The following SIDT1 variants were observed in gnomAD, a reference collection of about 807,000 sequenced individuals.
SIDT1 encodes the protein SID1 transmembrane family member 1, also known as SID1 transmembrane family, member 1.
Under a neutral mutation model 107.5 loss-of-function variants are expected in SIDT1, and 101 were observed. That is an observed-to-expected ratio of 0.94 (90% CI 0.80 to 1.11). SIDT1 has a LOEUF of 1.11. Among genes scored for constraint, SIDT1 ranks in the 50% least tolerant of loss-of-function variants. The pLI is 0.00. For synonymous variants in SIDT1, 395 were observed against 398.2 expected, an observed-to-expected ratio of 0.99 and a Z score of 0.10; for missense variants, 1,076 against 1,058.2, an observed-to-expected ratio of 1.02 and a Z score of -0.23.
chr3:113,589,231 G>C (rs1386546490), intron 9 of SIDT1, among the ~76,000 whole-genome samples: 1 of 152,130 alleles, frequency 6.6e-6, no homozygotes, highest in African/African-American at 2.4e-5. Context: ...CAGCCATTTT[G>C]CAATCAATCT....
intron 18 of SIDT1, among the ~76,000 whole-genome samples, chr3:113,611,613 G>A (rs1215530947): frequency 6.6e-6 from 1 of 152,170 alleles, no homozygotes; most frequent in East Asian, 1.9e-4. Flanking sequence ...GAGCCACCGT[G>A]CCCGGCCTAG....
At chr3:113,574,674 A>C (rs1942760622) in intron 3 of SIDT1, among the ~76,000 whole-genome samples, 3 of 145,940 alleles carry the variant, frequency 2.1e-5, no homozygotes, top group African/African-American at 5.1e-5. Flanking sequence ...TCTTCTCCTG[A>C]CTCCCCTATC....
intron 1 of SIDT1, among the ~76,000 whole-genome samples, chr3:113,564,192 G>A (rs62265516): frequency 9.2e-5 from 14 of 152,164 alleles, no homozygotes; most frequent in Middle Eastern, 3.2e-3. Flanking sequence ...CACCCACCTC[G>A]GCCTCCGAAA....
At chr3:113,571,769 A>T (rs890748473) in intron 3 of SIDT1, among the ~76,000 whole-genome samples, 1 of 152,332 alleles carries the variant, frequency 6.6e-6, no homozygotes, top group Non-Finnish European at 1.5e-5. Context: ...CTCCGTCTCT[A>T]CTAAAAAATT....
At chr3:113,544,207 G>A (rs9834643) in intron 1 of SIDT1, among the ~76,000 whole-genome samples, 8 of 106,768 alleles carry the variant, frequency 7.5e-5, no homozygotes, top group Admixed American at 6.6e-4. Context: ...TTGTTTGTTT[G>A]TTTAAATGGA....
At chr3:113,593,787 A>G (rs1191322991) in intron 10 of SIDT1, among the ~76,000 whole-genome samples, 1 of 152,198 alleles carries the variant, frequency 6.6e-6, no homozygotes, top group Non-Finnish European at 1.5e-5. Context: ...TTAAGTGTCT[A>G]GAAAACTGAA....
intron 11 of SIDT1, 108 bp from the exon 12 acceptor site, chr3:113,602,897 C>T (rs1945057653): frequency 1.7e-6 from 2 of 1,166,250 alleles, no homozygotes; most frequent in Non-Finnish European, 2.4e-6. Context: ...TCATTTGGAT[C>T]AACACAGCAT....
intron 17 of SIDT1, among the ~76,000 whole-genome samples, chr3:113,610,674 A>G (rs1945669456): frequency 6.6e-6 from 1 of 152,182 alleles, no homozygotes; most frequent in Non-Finnish European, 1.5e-5. Flanking sequence ...TAATTGTTGA[A>G]CACCAGCATC....
intron 10 of SIDT1, among the ~76,000 whole-genome samples, chr3:113,595,468 A>G (rs987495853): frequency 2.0e-5 from 3 of 152,052 alleles, no homozygotes; most frequent in African/African-American, 4.8e-5. Flanking sequence ...TGCTCCAGCT[A>G]CTTCGGAGGC....
intron 9 of SIDT1, among the ~76,000 whole-genome samples, chr3:113,592,047 C>T (rs1205704516): frequency 2.0e-5 from 3 of 152,098 alleles, no homozygotes; most frequent in South Asian, 2.1e-4. Flanking sequence ...CACAAAAGTT[C>T]GCATGTAATA....
At chr3:113,635,327 C>G in the SIDT1 span, among the ~76,000 whole-genome samples, 1 of 152,222 alleles carries the variant, frequency 6.6e-6, no homozygotes, top group African/African-American at 2.4e-5. Context: ...AAGATCCTGT[C>G]TCTACAAAAA....
intron 1 of SIDT1, among the ~76,000 whole-genome samples, chr3:113,546,256 C>G (rs1391240062): frequency 6.6e-6 from 1 of 152,154 alleles, no homozygotes; most frequent in Non-Finnish European, 1.5e-5. Flanking sequence ...ATGTGTCAGA[C>G]TGTAATTTTT....
intron 10 of SIDT1, among the ~76,000 whole-genome samples, chr3:113,598,160 A>G (rs1449140165): frequency 6.6e-6 from 1 of 152,192 alleles, no homozygotes; most frequent in Non-Finnish European, 1.5e-5. Context: ...AGCTGCCTCA[A>G]AATGAACAGG....
chr3:113,593,384 G>T (rs915978659), intron 10 of SIDT1, among the ~76,000 whole-genome samples: 1 of 152,152 alleles, frequency 6.6e-6, no homozygotes. Context: ...TCATAGGACC[G>T]CAAACCCTAT....
chr3:113,569,100 A>G (rs1942203496), intron 3 of SIDT1, among the ~76,000 whole-genome samples: 3 of 141,540 alleles, frequency 2.1e-5, no homozygotes, highest in East Asian at 5.0e-4. Flanking sequence ...GATCATGCCA[A>G]TGCACTCCAG....
rs1204969925 is a variant in SIDT1 at position 113,628,341 on chromosome 3, A to T, written c.*633A>T. On this transcript the variant is annotated 3_prime_UTR_variant, in exon 25 of 25. Coordinates refer to ENST00000264852, the MANE Select transcript of SIDT1 (RefSeq NM_017699.3). ...GGCTCAGGAGTGGGGTTTGTCACAC[A>T]TTCCTCTTAACAAGTAACTGTCACT... 1 of 153,032 alleles carries T rather than the reference A, an allele frequency of 6.5e-6. No individual in the cohort carries two copies. The highest frequency in any genetic ancestry group is 6.5e-5 in the Admixed American group (1 of 15,308). 9.5% of individuals were successfully genotyped at this position (153,032 alleles called of 1,614,324 possible).
chr3:113,596,201 T>C (rs1018905009), intron 10 of SIDT1, among the ~76,000 whole-genome samples: 2 of 152,192 alleles, frequency 1.3e-5, no homozygotes, highest in African/African-American at 2.4e-5. Flanking sequence ...ATTGTGGAGC[T>C]AGATATCTGT....
At chr3:113,597,278 C>T (rs976433268) in intron 10 of SIDT1, among the ~76,000 whole-genome samples, 3 of 152,034 alleles carry the variant, frequency 2.0e-5, no homozygotes, top group Admixed American at 6.5e-5. Context: ...GGGTGGATTG[C>T]CTACAGTCAG....
Position 113,627,838 on chromosome 3 carries a change from C to T in SIDT1, c.*130C>T, listed in dbSNP as rs1946955183. On this transcript the variant is annotated 3_prime_UTR_variant, in exon 25 of 25. Coordinates refer to ENST00000264852, the MANE Select transcript of SIDT1 (RefSeq NM_017699.3). ...CTCTGTAGAGCCAACTCTGCATTCA[C>T]ACAGGAAGGAGAGGGGCTGCGGGAG... 7.6e-6 allele frequency: 6 copies of T among 794,616 alleles called. No individual in the cohort carries two copies. The Admixed American group carries it at 9.4e-5, about 12-fold the overall frequency. The allele number at this position is 794,616 out of a possible 1,614,324, so 49.2% of individuals were successfully genotyped here.
Sources: allele counts gnomAD v4.1 joint callset (sites outside exome capture counted in the v4.1 genomes callset), GRCh38; gene constraint gnomAD v4.1.1; transcripts MANE v1.5; gene names NCBI Gene and HGNC (gene_info 2026-07-23, HGNC 2026-07-21).